Variants in CDH23 observed in about 807,000 individuals in gnomAD.
CDH23 encodes cadherin related 23.
A neutral mutation model predicts 317.1 loss-of-function variants in CDH23; 189 were observed. The ratio of observed to expected loss-of-function variants is 0.60; its 90% CI spans 0.53 to 0.67. The LOEUF (loss-of-function observed/expected upper bound fraction) is 0.67, where lower values mean the gene tolerates loss of function less well. CDH23 is among the 30% of genes least tolerant of loss of function. The probability of loss-of-function intolerance (pLI) is 0.00; values close to 1 mark genes in which losing one functional copy is unlikely to be tolerated. For missense variants in CDH23, 4,401 were observed against 4,592.4 expected (o/e 0.96, Z 1.20); for synonymous variants, 1,839 against 1,876.8 (o/e 0.98, Z 0.52).
At chr10:71,535,958 G>A (rs139913514) in intron 6 of CDH23, among the ~76,000 whole-genome samples, 9 of 152,386 alleles carry the variant, frequency 5.9e-5, no homozygotes, top group Non-Finnish European at 1.3e-4. Flanking sequence ...AAATGGCCAA[G>A]GAAAGGACAC....
intron 38 of CDH23, among the ~76,000 whole-genome samples, chr10:71,752,660 G>T (rs979958041): frequency 6.6e-6 from 1 of 152,182 alleles, no homozygotes; most frequent in Non-Finnish European, 1.5e-5. Flanking sequence ...GGCTGGGCCC[G>T]CTGGCCTCCT....
intron 38 of CDH23, among the ~76,000 whole-genome samples, chr10:71,770,987 G>T (rs2132911333): frequency 6.6e-6 from 1 of 152,320 alleles, no homozygotes; most frequent in East Asian, 1.9e-4. Flanking sequence ...GACCATTGCT[G>T]CGTCAGAGGC....
intron 3 of CDH23, among the ~76,000 whole-genome samples, chr10:71,486,328 G>A (rs1852345084): frequency 6.6e-6 from 1 of 152,182 alleles, no homozygotes; most frequent in Non-Finnish European, 1.5e-5. Context: ...AAGGGAGGCA[G>A]AAGAATGAAT....
intron 52 of CDH23, 58 bp from the exon 53 acceptor site, chr10:71,800,578 T>C: frequency 2.6e-6 from 4 of 1,567,354 alleles, no homozygotes; most frequent in Non-Finnish European, 3.5e-6. Context: ...CCATAGTAGG[T>C]GCTCAATAAA....
intron 35 of CDH23, 45 bp downstream of exon 35, chr10:71,738,692 G>T (rs1489589527): frequency 6.3e-7 from 1 of 1,594,334 alleles, no homozygotes; most frequent in African/African-American, 1.3e-5. Flanking sequence ...TGTCAGCGGG[G>T]CTCCCACAGC....
chr10:71,425,512 A>G (rs1286924101), intron 1 of CDH23, among the ~76,000 whole-genome samples: 1 of 152,210 alleles, frequency 6.6e-6, no homozygotes, highest in African/African-American at 2.4e-5. Flanking sequence ...TTCACTTTTG[A>G]GTGTGACTGG....
intron 11 of CDH23, among the ~76,000 whole-genome samples, chr10:71,628,912 A>G (rs1187631571): frequency 2.0e-5 from 3 of 152,336 alleles, no homozygotes; most frequent in Non-Finnish European, 2.9e-5. Context: ...CACACGGATG[A>G]TATCTTTGCT....
chr10:71,450,886 C>T (rs1850407638), intron 3 of CDH23, among the ~76,000 whole-genome samples: 1 of 152,118 alleles, frequency 6.6e-6, no homozygotes, highest in Non-Finnish European at 1.5e-5. Flanking sequence ...GTCTGGGCTG[C>T]TCTCAGGGAA....
intron 36 of CDH23, among the ~76,000 whole-genome samples, chr10:71,740,043 G>C (rs1839691202): frequency 6.6e-6 from 1 of 152,224 alleles, no homozygotes; most frequent in East Asian, 1.9e-4. Context: ...GGATGAGGGA[G>C]AGCCTGGTGG....
chr10:71,650,051 G>GC (rs1199749512), intron 14 of CDH23, among the ~76,000 whole-genome samples: 2 of 152,208 alleles, frequency 1.3e-5, no homozygotes, highest in Non-Finnish European at 2.9e-5. Context: ...AACCTTCAGA[G>GC]CTGAGGGTAA....
intron 1 of CDH23, among the ~76,000 whole-genome samples, chr10:71,427,146 C>A (rs1157036482): frequency 2.7e-5 from 3 of 111,346 alleles, no homozygotes; most frequent in Admixed American, 2.0e-4. Context: ...CAGAGTGAGA[C>A]CCTGTCTCAA....
intron 69 of CDH23, among the ~76,000 whole-genome samples, chr10:71,814,694 AAT>A (rs1842064936): frequency 8.4e-6 from 1 of 118,866 alleles, no homozygotes; most frequent in African/African-American, 2.9e-5. Flanking sequence ...ACACACACAC[AAT>A]TTTCACAAGA....
At chr10:71,677,908 G>A (rs1386826079) in intron 16 of CDH23, among the ~76,000 whole-genome samples, 1 of 152,132 alleles carries the variant, frequency 6.6e-6, no homozygotes, top group Non-Finnish European at 1.5e-5. Flanking sequence ...TGGGACTACA[G>A]GCTTGAGCCA....
intron 3 of CDH23, among the ~76,000 whole-genome samples, chr10:71,504,280 C>T (rs543361999): frequency 2.6e-4 from 40 of 152,250 alleles, no homozygotes; most frequent in Non-Finnish European, 5.4e-4. Flanking sequence ...CTCTAGGTAC[C>T]TTATATCAGG....
intron 3 of CDH23, among the ~76,000 whole-genome samples, chr10:71,477,449 G>A (rs548751904): frequency 4.3e-4 from 65 of 152,276 alleles, no homozygotes; most frequent in Non-Finnish European, 8.2e-4. Flanking sequence ...GATTATAGGC[G>A]TGAGCCACCG....
chr10:71,763,726 C>A (rs1004775561), intron 38 of CDH23, among the ~76,000 whole-genome samples: 31 of 152,324 alleles, frequency 2.0e-4, no homozygotes, highest in African/African-American at 7.2e-4. Context: ...ATGAAGTGTT[C>A]TGTAAGTGCC....
Position 71,812,550 on chromosome 10 carries a change from G to T in CDH23, c.9451G>T (p.Asp3151Tyr). ...GGCCGCCCAGGCGGAGCATGAGGAT[G>T]ACCTACCGGAGAACCTGAGTGAGAT... Reference protein sequence around the residue: ...ELAAQAEHEDDLPENLSEIAD... With the variant: ...ELAAQAEHEDYLPENLSEIAD... Residue 3151 changes from aspartate (D) to tyrosine (Y), a missense_variant, in exon 67 of 70, where the codon GAC becomes TAC. Coordinates refer to ENST00000224721, the MANE Select transcript of CDH23 (RefSeq NM_022124.6). 1 of 1,609,482 alleles carries T rather than the reference G, an allele frequency of 6.2e-7. No homozygotes were observed. Among genetic ancestry groups the T allele is most frequent in the South Asian group, 1.1e-5 (1 of 91,026 alleles).
At chr10:71,706,728 G>A (rs1336030158) in intron 25 of CDH23, among the ~76,000 whole-genome samples, 169 bp from the exon 26 acceptor site, 1 of 152,210 alleles carries the variant, frequency 6.6e-6, no homozygotes, top group Non-Finnish European at 1.5e-5. Flanking sequence ...GGTGGGCATG[G>A]GGGGCCCTGG....
chr10:71,594,310 T>C (rs1859694749), intron 9 of CDH23, among the ~76,000 whole-genome samples: 1 of 151,750 alleles, frequency 6.6e-6, no homozygotes, highest in South Asian at 2.1e-4. Context: ...TTTCTTCCTT[T>C]CTTTCTTCCT....
Sources: gnomAD v4.1 joint callset for allele counts (sites outside exome capture counted in the v4.1 genomes callset) on GRCh38, gnomAD v4.1.1 for gene constraint, MANE v1.5 for transcripts, NCBI Gene and HGNC (gene_info 2026-07-23, HGNC 2026-07-21) for gene names.